The following TBCE variants were observed in gnomAD, a reference collection of about 807,000 sequenced individuals.
TBCE encodes the protein tubulin folding cofactor E, also known as tubulin-specific chaperone E.
In TBCE, 53 loss-of-function variants were observed where a neutral mutation model predicts 77.0. The observed-to-expected ratio is 0.69, with a 90% CI of 0.55 to 0.87. TBCE has a LOEUF of 0.87. TBCE is among the 40% of genes least tolerant of loss of function. The pLI is 0.00. For synonymous variants in TBCE, 235 were observed against 241.3 expected, an observed-to-expected ratio of 0.97 and a Z score of 0.24; for missense variants, 624 against 622.4, an observed-to-expected ratio of 1.00 and a Z score of -0.03.
intron 15 of TBCE, 49 bp from the exon 16 acceptor site, chr1:235,448,300 G>A: frequency 6.7e-7 from 1 of 1,497,676 alleles, no homozygotes; most frequent in Non-Finnish European, 9.3e-7. Context: ...TAGTTTTACA[G>A]GTAACTGTCA....
At chr1:235,391,806 C>T (rs539904032) in intron 2 of TBCE, among the ~76,000 whole-genome samples, 100 of 151,598 alleles carry the variant, frequency 6.6e-4, no homozygotes, top group African/African-American at 2.0e-3. Flanking sequence ...GGGGTTTTCC[C>T]GTGTTGGCCA....
chr1:235,447,960 C>T (rs973185790), intron 15 of TBCE, among the ~76,000 whole-genome samples: 2 of 152,092 alleles, frequency 1.3e-5, no homozygotes, highest in Non-Finnish European at 2.9e-5. Context: ...CTTGTAATCC[C>T]AGCACTTTGG....
chr1:235,396,374 C>G (rs2102847162), intron 2 of TBCE, among the ~76,000 whole-genome samples: 1 of 152,238 alleles, frequency 6.6e-6, no homozygotes, highest in East Asian at 1.9e-4. Context: ...TGTTTATTTT[C>G]TTTATCCATT....
intron 6 of TBCE, among the ~76,000 whole-genome samples, chr1:235,427,464 A>T (rs1202965261): frequency 6.6e-6 from 1 of 152,200 alleles, no homozygotes; most frequent in Non-Finnish European, 1.5e-5. Context: ...TTCCTTTCTA[A>T]CACAAGCAGC....
chr1:235,437,539 C>G (rs1236658792), intron 12 of TBCE, 65 bp downstream of exon 12: 31 of 1,577,568 alleles, frequency 2.0e-5, no homozygotes, highest in Non-Finnish European at 2.5e-5. Context: ...AGGCCAGGCG[C>G]CGTGGCTCAC....
intron 2 of TBCE, 39 bp downstream of exon 2, chr1:235,380,188 TGTGTGTGTGTG>T: frequency 7.3e-7 from 1 of 1,365,866 alleles, no homozygotes; most frequent in Non-Finnish European, 1.0e-6. Flanking sequence ...TGTGTGTGTG[TGTGTGTGTGTG>T]TGTGTGTGTG....
At position 235,450,578 on chromosome 1, in the gene TBCE, G is replaced by A. The variant is rs1352590470; in HGVS notation, c.*1816G>A. On this transcript the variant is annotated 3_prime_UTR_variant, in exon 17 of 17. Coordinates refer to ENST00000642610, the MANE Select transcript of TBCE (RefSeq NM_003193.5). ...AAACAAGGCGGTGTGTGGATGAAGAGTTAGTCAACAAATGCCATTCCGTAA... is the reference window on the plus strand; with the variant it reads ...AAACAAGGCGGTGTGTGGATGAAGAATTAGTCAACAAATGCCATTCCGTAA... 2 of 474,398 alleles carry A rather than the reference G, an allele frequency of 4.2e-6. No homozygotes were observed. The highest frequency in any genetic ancestry group is 6.9e-5 in the Admixed American group (2 of 28,822). 29.4% of individuals were successfully genotyped at this position (474,398 alleles called of 1,614,324 possible).
intron 3 of TBCE, among the ~76,000 whole-genome samples, chr1:235,406,977 G>A (rs1679473715): frequency 6.6e-6 from 1 of 151,704 alleles, no homozygotes; most frequent in South Asian, 2.1e-4. Flanking sequence ...TGGTATTATA[G>A]GAAAGTGCCA....
chr1:235,419,303 GCT>G (rs1347803767), intron 4 of TBCE, 168 bp from the exon 5 acceptor site: 15 of 943,686 alleles, frequency 1.6e-5, no homozygotes, highest in Non-Finnish European at 2.3e-5. Flanking sequence ...TATTTGTAGT[GCT>G]CTTTTTCTTT....
chr1:235,410,186 G>A (rs986768590), intron 3 of TBCE, among the ~76,000 whole-genome samples: 2 of 152,032 alleles, frequency 1.3e-5, no homozygotes, highest in Admixed American at 6.6e-5. Flanking sequence ...GGCTGAGGTT[G>A]CAGTGAGCCA....
intron 2 of TBCE, among the ~76,000 whole-genome samples, chr1:235,393,626 G>A (rs1396376470): frequency 6.6e-6 from 1 of 151,618 alleles, no homozygotes; most frequent in East Asian, 1.9e-4. Context: ...TTCATTTACT[G>A]TATTGAAATA....
At chr1:235,433,951 G>T (rs1219933025) in intron 7 of TBCE, 2 of 552,734 alleles carry the variant, frequency 3.6e-6, no homozygotes, top group Non-Finnish European at 6.5e-6. Flanking sequence ...CCTAAACCAT[G>T]CATTGACACG....
intron 1 of TBCE, among the ~76,000 whole-genome samples, chr1:235,373,101 C>T (rs1352079979): frequency 6.6e-6 from 1 of 151,900 alleles, no homozygotes; most frequent in African/African-American, 2.4e-5. Context: ...TGGGAATCCT[C>T]AGGAGGATTG....
intron 1 of TBCE, among the ~76,000 whole-genome samples, chr1:235,371,364 C>CT (rs962308203): frequency 4.0e-4 from 54 of 133,784 alleles, no homozygotes; most frequent in Admixed American, 6.9e-4. Flanking sequence ...CCACTCTTGT[C>CT]TTTTTTTTTT....
chr1:235,442,400 C>A (rs1681953386), intron 14 of TBCE, among the ~76,000 whole-genome samples: 1 of 152,174 alleles, frequency 6.6e-6, no homozygotes, highest in African/African-American at 2.4e-5. Flanking sequence ...AAACTCCTGA[C>A]CTCAGGAGAT....
intron 1 of TBCE, among the ~76,000 whole-genome samples, chr1:235,374,920 CTTTTTTTTTTTT>C (rs1241323977): frequency 8.9e-6 from 1 of 111,988 alleles, no homozygotes; most frequent in Non-Finnish European, 1.8e-5. Flanking sequence ...CTTTTTTTTT[CTTTTTTTTTTTT>C]TTTTTTGAGA....
At chr1:235,406,313 G>T (rs1679424556) in intron 3 of TBCE, among the ~76,000 whole-genome samples, 1 of 152,034 alleles carries the variant, frequency 6.6e-6, no homozygotes, top group South Asian at 2.1e-4. Flanking sequence ...GTAACCTAAG[G>T]TAAATATAGT....
At chr1:235,444,654 C>T (rs1374899766) in intron 15 of TBCE, among the ~76,000 whole-genome samples, 1 of 152,234 alleles carries the variant, frequency 6.6e-6, no homozygotes, top group Non-Finnish European at 1.5e-5. Flanking sequence ...GTTCTCCTGT[C>T]ATCACCTCCC....
In TBCE at chr1:235,424,395, GCTCA is replaced by G. The variant is rs1403025861; in HGVS notation, c.461-2743_461-2740del. 4.9e-5 allele frequency among the ~76,000 whole-genome samples: 5 copies of G among 102,504 alleles called. No individual in the cohort carries two copies. In the East Asian group the frequency reaches 1.3e-3, roughly 26 times the overall value. The allele number at this position is 102,504 out of a possible 152,430, so 67.2% of individuals were successfully genotyped here. ...GCTGGAGTGCAGTGGCGCGATCTTG[GCTCA>G]CCGCAACCTTCTGGCACCCAGGTTC... On this transcript the variant is annotated intron_variant, in intron 5 of 16. Transcript: ENST00000642610.
Sources: gnomAD v4.1 joint callset for allele counts (sites outside exome capture counted in the v4.1 genomes callset) on GRCh38, gnomAD v4.1.1 for gene constraint, MANE v1.5 for transcripts, NCBI Gene and HGNC (gene_info 2026-07-23, HGNC 2026-07-21) for gene names.